Variants in CADPS observed in about 807,000 individuals in gnomAD.
The protein encoded by CADPS is calcium-dependent secretion activator 1.
A neutral mutation model predicts 167.3 loss-of-function variants in CADPS; 57 were observed. The observed-to-expected ratio is 0.34, with a 90% CI of 0.28 to 0.42. The LOEUF (loss-of-function observed/expected upper bound fraction) is 0.42. Among genes scored for constraint, CADPS ranks in the 20% least tolerant of loss-of-function variants. CADPS has a pLI of 1.00. For missense variants in CADPS, 1,414 were observed against 1,738.1 expected (o/e 0.81, Z 3.32); for synonymous variants, 676 against 635.3 (o/e 1.06, Z -0.96).
chr3:62,751,451 A>AT (rs71631131), intron 3 of CADPS, among the ~76,000 whole-genome samples: 67,773 of 151,346 alleles, frequency 0.45, 15,877 homozygotes, highest in East Asian at 0.82. Context: ...TTATCTTGTA[A>AT]TTTTTTTTTG....
intron 3 of CADPS, among the ~76,000 whole-genome samples, chr3:62,690,980 T>C (rs1446514601): frequency 2.6e-5 from 4 of 152,132 alleles, no homozygotes; most frequent in African/African-American, 9.6e-5. Flanking sequence ...GACAATAGAA[T>C]ATTATTCAGC....
chr3:62,704,143 G>T (rs1010376126), intron 3 of CADPS, among the ~76,000 whole-genome samples: 4 of 152,138 alleles, frequency 2.6e-5, no homozygotes, highest in Non-Finnish European at 5.9e-5. Flanking sequence ...GGGGAAAAAG[G>T]CAATAAACAA....
intron 11 of CADPS, among the ~76,000 whole-genome samples, chr3:62,543,512 T>C (rs2076025869): frequency 1.3e-5 from 2 of 152,160 alleles, no homozygotes; most frequent in South Asian, 4.1e-4. Flanking sequence ...TGATAAGCCT[T>C]TTAAAATGCC....
At chr3:62,657,628 T>C (rs924425601) in intron 4 of CADPS, among the ~76,000 whole-genome samples, 10 of 152,200 alleles carry the variant, frequency 6.6e-5, no homozygotes, top group African/African-American at 1.9e-4. Context: ...AATGCATTCA[T>C]ATTTCTTTCT....
At chr3:62,851,136 C>T (rs1322457862) in intron 1 of CADPS, among the ~76,000 whole-genome samples, 5 of 130,566 alleles carry the variant, frequency 3.8e-5, no homozygotes, top group African/African-American at 1.1e-4. Flanking sequence ...GGTAGATCTT[C>T]CTCCATCCTT....
chr3:62,740,408 T>C (rs1014658256), intron 3 of CADPS, among the ~76,000 whole-genome samples: 5 of 152,184 alleles, frequency 3.3e-5, no homozygotes, highest in South Asian at 4.1e-4. Flanking sequence ...TGAGCCATGG[T>C]AGGGTGTTTA....
intron 28 of CADPS, among the ~76,000 whole-genome samples, chr3:62,435,768 G>A (rs530422364): frequency 5.3e-5 from 8 of 151,892 alleles, no homozygotes; most frequent in East Asian, 3.9e-4. Flanking sequence ...CTAAGACTCC[G>A]TTGGGAAAAC....
chr3:62,402,619 A>G (rs907952942), intron 29 of CADPS, among the ~76,000 whole-genome samples: 9 of 152,358 alleles, frequency 5.9e-5, no homozygotes, highest in Middle Eastern at 3.4e-3. Flanking sequence ...ACTTCAATTA[A>G]CTATGAGAAC....
intron 11 of CADPS, among the ~76,000 whole-genome samples, chr3:62,545,856 C>A (rs1013012330): frequency 1.3e-5 from 2 of 152,102 alleles, no homozygotes; most frequent in African/African-American, 2.4e-5. Flanking sequence ...TTTTTCTCTA[C>A]CCCAAAAATA....
chr3:62,763,803 C>A (rs1047333833), intron 2 of CADPS, among the ~76,000 whole-genome samples: 1 of 152,170 alleles, frequency 6.6e-6, no homozygotes, highest in Non-Finnish European at 1.5e-5. Flanking sequence ...GCAGTTAGAT[C>A]ATTAATACCC....
At chr3:62,469,441 T>G (rs2060313649) in intron 24 of CADPS, among the ~76,000 whole-genome samples, 1 of 152,192 alleles carries the variant, frequency 6.6e-6, no homozygotes, top group African/African-American at 2.4e-5. Flanking sequence ...TAAAATGCCT[T>G]GCAGTCTGAT....
rs376746960 is a variant in CADPS at position 62,676,066 on chromosome 3, A to T, written c.889-13672T>A. On this transcript the variant is annotated intron_variant, in intron 3 of 29. Coordinates refer to ENST00000383710, the MANE Select transcript of CADPS (RefSeq NM_003716.4). Reference sequence around the variant, plus strand: ...TTCACAAAAAAGTAAATGTACAATGATGGCAATTGTGTTTTTAAAAAGCAA... The same window carrying T: ...TTCACAAAAAAGTAAATGTACAATGTTGGCAATTGTGTTTTTAAAAAGCAA... Among the ~76,000 whole-genome samples the T allele has an allele frequency of 1.2e-4, 19 of 152,272 alleles. No homozygotes were observed. In the East Asian group the frequency reaches 1.9e-3, roughly 15 times the overall value.
At chr3:62,650,065 C>T (rs768350136) in intron 5 of CADPS, among the ~76,000 whole-genome samples, 3 of 152,166 alleles carry the variant, frequency 2.0e-5, no homozygotes, top group Non-Finnish European at 2.9e-5. Context: ...TTTGTGCAGA[C>T]ATGTGTTTTC....
chr3:62,450,707 C>T (rs987533892), intron 26 of CADPS, among the ~76,000 whole-genome samples: 4 of 152,168 alleles, frequency 2.6e-5, no homozygotes, highest in Admixed American at 6.5e-5. Flanking sequence ...TGGGAAGAGC[C>T]GCTGTCAGTG....
intron 6 of CADPS, among the ~76,000 whole-genome samples, chr3:62,629,433 G>A (rs1207631561): frequency 1.3e-5 from 2 of 152,166 alleles, no homozygotes; most frequent in Non-Finnish European, 2.9e-5. Flanking sequence ...CAATGTTGGA[G>A]CATGTATGAG....
chr3:62,771,256 C>G (rs2088648885), intron 1 of CADPS, among the ~76,000 whole-genome samples: 1 of 152,078 alleles, frequency 6.6e-6, no homozygotes, highest in Non-Finnish European at 1.5e-5. Context: ...TTAATGTATA[C>G]CAGGCACAGT....
At chr3:62,507,144 C>G (rs997500871) in intron 17 of CADPS, among the ~76,000 whole-genome samples, 1 of 152,100 alleles carries the variant, frequency 6.6e-6, no homozygotes, top group Non-Finnish European at 1.5e-5. Flanking sequence ...TTGCCACAAG[C>G]TGTCTTGGGC....
intron 1 of CADPS, among the ~76,000 whole-genome samples, chr3:62,768,116 A>G (rs1025056525): frequency 6.6e-6 from 1 of 152,178 alleles, no homozygotes; most frequent in Non-Finnish European, 1.5e-5. Flanking sequence ...GCACATATTG[A>G]TATGTGAAAT....
intron 6 of CADPS, among the ~76,000 whole-genome samples, chr3:62,621,278 A>G (rs1316234619): frequency 6.6e-6 from 1 of 152,046 alleles, no homozygotes; most frequent in Non-Finnish European, 1.5e-5. Flanking sequence ...AGGAGCAGAA[A>G]GAGAATGCTG....
Sources: allele counts gnomAD v4.1 joint callset (sites outside exome capture counted in the v4.1 genomes callset), GRCh38; gene constraint gnomAD v4.1.1; transcripts MANE v1.5; gene names NCBI Gene and HGNC (gene_info 2026-07-23, HGNC 2026-07-21).